MID1: variants seen among roughly 807,000 people sequenced by gnomAD.
The protein encoded by MID1 is midline 1, also known as E3 ubiquitin-protein ligase Midline-1.
In MID1, 7 loss-of-function variants were observed where a neutral mutation model predicts 40.4. That is an observed-to-expected ratio of 0.17 (90% CI 0.10 to 0.33). The LOEUF is 0.33. Ranked by LOEUF, MID1 falls within the 10% of genes least tolerant of loss-of-function variation. The probability of loss-of-function intolerance (pLI) is 1.00; values close to 1 mark genes in which losing one functional copy is unlikely to be tolerated. For synonymous variants in MID1, 229 were observed against 221.2 expected (o/e 1.04, Z -0.31); for missense variants, 367 against 558.5 (o/e 0.66, Z 3.46).
chrX:10,616,788 G>A (rs1258895857), intron 1 of MID1, among the ~76,000 whole-genome samples: 1 of 113,010 alleles, frequency 8.8e-6, no homozygotes, highest in East Asian at 2.8e-4. Flanking sequence ...AGAGATAGCA[G>A]AGAAGAAATT....
upstream of MID1, among the ~76,000 whole-genome samples, chrX:10,624,871 C>T (rs1041379797): frequency 1.8e-5 from 2 of 111,203 alleles, no homozygotes; most frequent in Admixed American, 1.9e-4. Context: ...GCTTCAGCCG[C>T]CAAAAATGGT....
At chrX:10,709,474 T>A (rs1021682015) in intron 1 of MID1, among the ~76,000 whole-genome samples, 1 of 112,196 alleles carries the variant, frequency 8.9e-6, no homozygotes, top group Non-Finnish European at 1.9e-5. Context: ...TCAGGCGGGT[T>A]AGGCGAGTTT....
chrX:10,543,845 T>A lies in MID1; in HGVS notation c.661-20658A>T, dbSNP rs767334111. ...GTGACAGAGCGAGACTCTGTTTTTT[T>A]AAAAAAAAAAATTAGCCAGGTGTGT... is the stretch of plus-strand genomic sequence containing the variant. On this transcript the variant is annotated intron_variant, in intron 2 of 9. Coordinates refer to ENST00000317552, the MANE Select transcript of MID1 (RefSeq NM_000381.4). Among the ~76,000 whole-genome samples the A allele has an allele frequency of 1.2e-3, 121 of 102,242 alleles. 1 individual carries two copies. Among genetic ancestry groups the A allele is most frequent in the African/African-American group, 3.5e-3 (99 of 27,944 alleles). The allele number at this position is 102,242 out of a possible 115,157, so 88.8% of individuals were successfully genotyped here. A position where few individuals can be genotyped will look rare whatever the true frequency, so the allele number is the denominator to read the frequency against.
At chrX:10,766,615 A>G (rs1190626066) in intron 1 of MID1, among the ~76,000 whole-genome samples, 1 of 111,995 alleles carries the variant, frequency 8.9e-6, no homozygotes, top group Non-Finnish European at 1.9e-5. Context: ...TTTCAACCCA[A>G]ATCAGATTAA....
chrX:10,577,932 T>A (rs1036897642), intron 1 of MID1, among the ~76,000 whole-genome samples: 5 of 111,387 alleles, frequency 4.5e-5, no homozygotes, highest in Admixed American at 9.5e-5. Context: ...GGAAAGTGTT[T>A]AAAAAAAGAA....
intron 1 of MID1, among the ~76,000 whole-genome samples, chrX:10,804,694 G>C (rs1014441388): frequency 9.0e-6 from 1 of 111,063 alleles, no homozygotes; most frequent in Non-Finnish European, 1.9e-5. Flanking sequence ...TATTATGCTT[G>C]TGCCCCTGGG....
At chrX:10,746,057 G>T (rs1022247894) in intron 1 of MID1, among the ~76,000 whole-genome samples, 13 of 111,732 alleles carry the variant, frequency 1.2e-4, no homozygotes, top group Non-Finnish European at 2.3e-4. Context: ...CAGGGAAGGA[G>T]ACACGAAAGA....
At chrX:10,543,459 C>T (rs1274495302) in intron 2 of MID1, among the ~76,000 whole-genome samples, 1 of 111,735 alleles carries the variant, frequency 8.9e-6, no homozygotes, top group Non-Finnish European at 1.9e-5. Flanking sequence ...TGAACACATA[C>T]TACATGCCCA....
intron 1 of MID1, among the ~76,000 whole-genome samples, chrX:10,638,947 G>A (rs755681536): frequency 1.8e-5 from 2 of 112,506 alleles, no homozygotes; most frequent in Non-Finnish European, 3.8e-5. Context: ...TGAGAGTCAT[G>A]ACTGTTAGAA....
chrX:10,603,865 C>T (rs1935576966), intron 1 of MID1, among the ~76,000 whole-genome samples: 1 of 111,456 alleles, frequency 9.0e-6, no homozygotes, highest in African/African-American at 3.3e-5. Flanking sequence ...GACAGGAATT[C>T]AACCAGGATA....
intron 1 of MID1, among the ~76,000 whole-genome samples, chrX:10,711,887 G>A (rs2043270466): frequency 8.9e-6 from 1 of 111,827 alleles, no homozygotes; most frequent in Admixed American, 9.5e-5. Context: ...GAACATTTTT[G>A]GTTACCACAA....
intron 1 of MID1, among the ~76,000 whole-genome samples, chrX:10,676,465 A>C (rs2043023878): frequency 9.0e-6 from 1 of 111,523 alleles, no homozygotes; most frequent in Non-Finnish European, 1.9e-5. Flanking sequence ...AGAGCAGTAG[A>C]GAATAAAATG....
chrX:10,620,589 G>A (rs1935920500), upstream of MID1: 1 of 112,306 alleles, frequency 8.9e-6, no homozygotes, highest in African/African-American at 3.2e-5. Flanking sequence ...AGTTCTCAGA[G>A]ACGTTGTAGG....
intron 7 of MID1, among the ~76,000 whole-genome samples, chrX:10,463,188 AAAAT>A: frequency 8.9e-6 from 1 of 112,552 alleles, no homozygotes; most frequent in South Asian, 3.7e-4. Context: ...ACAAAAATAA[AAAAT>A]AAAAATTAAT....
intron 1 of MID1, among the ~76,000 whole-genome samples, chrX:10,717,502 T>G (rs1241415220): frequency 3.6e-5 from 4 of 110,782 alleles, no homozygotes; most frequent in Non-Finnish European, 5.7e-5. Context: ...CTAACTATCC[T>G]AAATATATAT....
Position 10,447,162 on chromosome X carries a change from CACA to C in MID1, c.*2203_*2205del, listed in dbSNP as rs1191716332. 9.0e-6 allele frequency: 1 copy of C among 111,707 alleles called. No homozygotes were observed. The highest frequency in any genetic ancestry group is 1.9e-5 in the Non-Finnish European group (1 of 53,174). The allele number at this position is 111,707 out of a possible 1,213,427, so 9.2% of individuals were successfully genotyped here. ...TTAAGTTAGCCAAGAGTGAGACTTC[CACA>C]ACAAAATTATGACATAATCTCTCAT... On this transcript the variant is annotated 3_prime_UTR_variant, in exon 10 of 10. Transcript: ENST00000317552.
chrX:10,508,114 C>A (rs1188150431), intron 3 of MID1, among the ~76,000 whole-genome samples: 1 of 112,321 alleles, frequency 8.9e-6, no homozygotes, highest in Non-Finnish European at 1.9e-5. Flanking sequence ...AAGCACCATG[C>A]TAGGACCTGT....
chrX:10,490,300 CTGT>C (rs1307970324), intron 4 of MID1, among the ~76,000 whole-genome samples: 1 of 111,904 alleles, frequency 8.9e-6, no homozygotes, highest in Non-Finnish European at 1.9e-5. Context: ...ATTTGTGAGG[CTGT>C]TTTAAATGGA....
intron 1 of MID1, among the ~76,000 whole-genome samples, chrX:10,653,164 T>G (rs1936335158): frequency 8.9e-6 from 1 of 112,326 alleles, no homozygotes; most frequent in Admixed American, 9.4e-5. Context: ...CCCAGCTTCC[T>G]GCTTCCCCCA....
Sources: allele counts gnomAD v4.1 joint callset (sites outside exome capture counted in the v4.1 genomes callset), GRCh38; gene constraint gnomAD v4.1.1; transcripts MANE v1.5; gene names NCBI Gene and HGNC (gene_info 2026-07-23, HGNC 2026-07-21).